The following DDX39B variants were observed in gnomAD, a reference collection of about 807,000 sequenced individuals.
DDX39B encodes DExD-box helicase 39B, also known as spliceosome RNA helicase DDX39B.
In DDX39B, 6 loss-of-function variants were observed where a neutral mutation model predicts 46.4. The ratio of observed to expected loss-of-function variants is 0.13; its 90% CI spans 0.07 to 0.26. DDX39B has a LOEUF of 0.26. Among genes scored for constraint, DDX39B ranks in the 10% least tolerant of loss-of-function variants. The pLI is 1.00. For synonymous variants in DDX39B, 174 were observed against 199.4 expected (o/e 0.87, Z 1.07); for missense variants, 185 against 553.4 (o/e 0.33, Z 6.68).
Position 31,531,835 on chromosome 6 carries a change from G to A in DDX39B, c.868-430C>T. On this transcript the variant is annotated intron_variant, in intron 7 of 10. Coordinates refer to ENST00000396172, the MANE Select transcript of DDX39B (RefSeq NM_004640.7). This position sits in a 1 kb window ranked among gnomAD's most constrained non-coding sequence, Gnocchi z 5.8. ...AAGTATATTAATTAAACACTTTTTT[G>A]AGATGGGGTCTCACTCTGTCCCCCA... The A allele has an allele frequency of 5.8e-6, 1 of 170,996 alleles. No homozygotes were observed. Among genetic ancestry groups the A allele is most frequent in the Non-Finnish European group, 1.3e-5 (1 of 78,826 alleles). 10.6% of individuals were successfully genotyped at this position (170,996 alleles called of 1,614,324 possible). A position where few individuals can be genotyped will look rare whatever the true frequency, so the allele number is the denominator to read the frequency against.
chr6:31,530,333 G>A lies in DDX39B; in HGVS notation c.*101C>T. On this transcript the variant is annotated 3_prime_UTR_variant, in exon 11 of 11. Transcript: ENST00000396172. This position sits in a 1 kb window ranked among gnomAD's most constrained non-coding sequence, Gnocchi z 4.5. ...TGATGCAAAAGATGGAAGCCATGGGGTGGGGGCTGTCAGGGGTGGGGGCAG... is the reference window on the plus strand; with the variant it reads ...TGATGCAAAAGATGGAAGCCATGGGATGGGGGCTGTCAGGGGTGGGGGCAG... The A allele has an allele frequency of 7.2e-7, 1 of 1,394,066 alleles. No homozygotes were observed. The highest frequency in any genetic ancestry group is 2.3e-5 in the East Asian group (1 of 43,036). The allele number at this position is 1,394,066 out of a possible 1,614,324, so 86.4% of individuals were successfully genotyped here.
At position 31,534,631 on chromosome 6, in the gene DDX39B, C is replaced by A. The variant is rs1582943480; in HGVS notation, c.735+736G>T. 2.7e-6 allele frequency: 1 copy of A among 371,062 alleles called. No homozygotes were observed. Among genetic ancestry groups the A allele is most frequent in the Non-Finnish European group, 5.4e-6 (1 of 186,480 alleles). The allele number at this position is 371,062 out of a possible 1,614,324, so 23.0% of individuals were successfully genotyped here. A position where few individuals can be genotyped will look rare whatever the true frequency, so the allele number is the denominator to read the frequency against. On this transcript the variant is annotated intron_variant, in intron 6 of 10. Coordinates refer to ENST00000396172, the MANE Select transcript of DDX39B (RefSeq NM_004640.7). The surrounding 1 kb of genome is among the most constrained non-coding windows in gnomAD (Gnocchi z 5.1). ...GCACGCGTTGGGTTCAGGAAAAAAA[C>A]CGGGAACGGAAAAAGAGGCTGGTTT...
intron 3 of DDX39B, 122 bp from the exon 4 acceptor site, chr6:31,538,977 A>C: frequency 6.7e-7 from 1 of 1,483,994 alleles, no homozygotes; most frequent in Non-Finnish European, 9.4e-7. Flanking sequence ...ATGTGATCTA[A>C]ATCATGAACC....
In DDX39B at chr6:31,535,338, G is replaced by A. The variant is rs1237666649; in HGVS notation, c.735+29C>T. ...GGGGAGGAGGCAGCGGGCGGGGAGT[G>A]GAGGGAGAGAAGGTAGAAGGGTATT... On this transcript the variant is annotated intron_variant, in intron 6 of 10. Transcript: ENST00000396172. The surrounding 1 kb of genome is among the most constrained non-coding windows in gnomAD (Gnocchi z 4.6). 4.4e-6 allele frequency: 7 copies of A among 1,600,870 alleles called. No homozygotes were observed. Among genetic ancestry groups the A allele is most frequent in the Non-Finnish European group, 5.1e-6 (6 of 1,168,680 alleles).
In DDX39B at chr6:31,530,930, G is replaced by A. The variant is rs776969844; in HGVS notation, c.1123-4C>T. The A allele has an allele frequency of 6.2e-7, 1 of 1,614,150 alleles. No homozygotes were observed. Among genetic ancestry groups the A allele is most frequent in the South Asian group, 1.1e-5 (1 of 91,084 alleles). ...CAAACCGGCCTGCTCTGGCCACCTGGAGGGAGACAGAGGGTAGCACTGGAA... is the reference window on the plus strand; with the variant it reads ...CAAACCGGCCTGCTCTGGCCACCTGAAGGGAGACAGAGGGTAGCACTGGAA... On this transcript the variant is annotated splice_region_variant and splice_polypyrimidine_tract_variant and intron_variant, in intron 9 of 10. Coordinates refer to ENST00000396172, the MANE Select transcript of DDX39B (RefSeq NM_004640.7). This position sits in a 1 kb window ranked among gnomAD's most constrained non-coding sequence, Gnocchi z 4.5.
Position 31,530,238 on chromosome 6 carries a change from ATG to A in DDX39B, c.*194_*195del, listed in dbSNP as rs1453508487. The A allele has an allele frequency of 6.4e-6, 5 of 781,046 alleles. No homozygotes were observed. The highest frequency in any genetic ancestry group is 1.8e-5 in the African/African-American group (1 of 56,564). The allele number at this position is 781,046 out of a possible 1,614,324, so 48.4% of individuals were successfully genotyped here. A position where few individuals can be genotyped will look rare whatever the true frequency, so the allele number is the denominator to read the frequency against. On this transcript the variant is annotated 3_prime_UTR_variant, in exon 11 of 11. Transcript: ENST00000396172. The surrounding 1 kb of genome is among the most constrained non-coding windows in gnomAD (Gnocchi z 4.5). ...AAGCACTTATAGATACCACAGACAC[ATG>A]TGTTTCATTTTTAGTTTTGTTAAAA...
Position 31,534,102 on chromosome 6 carries a change from G to C in DDX39B, c.736-1191C>G, listed in dbSNP as rs895361813. On this transcript the variant is annotated intron_variant, in intron 6 of 10. Transcript: ENST00000396172. The surrounding 1 kb of genome is among the most constrained non-coding windows in gnomAD (Gnocchi z 5.1). ...CAGCTTACTGCCACCTCCACGTCCC[G>C]GGCTCAAGCAAACCCTCCTGCCTCA... 2.5e-5 allele frequency: 4 copies of C among 162,726 alleles called. No homozygotes were observed. The highest frequency in any genetic ancestry group is 9.6e-5 in the African/African-American group (4 of 41,660). The allele number at this position is 162,726 out of a possible 1,614,324, so 10.1% of individuals were successfully genotyped here. A position where few individuals can be genotyped will look rare whatever the true frequency, so the allele number is the denominator to read the frequency against.
chr6:31,537,644 A>G (rs72847238), intron 4 of DDX39B, among the ~76,000 whole-genome samples: 4,311 of 152,312 alleles, frequency 0.028, 105 homozygotes, highest in East Asian at 0.078. Flanking sequence ...GCCTTGGTAC[A>G]GTATCAAATA....
At chr6:31,538,364 C>T (rs2150341271) in intron 4 of DDX39B, among the ~76,000 whole-genome samples, 1 of 152,194 alleles carries the variant, frequency 6.6e-6, no homozygotes, top group East Asian at 1.9e-4. Flanking sequence ...TCCTGTTGGC[C>T]ACATTGGTCT....
rs535419740 is a variant in DDX39B at position 31,540,787 on chromosome 6, C to T, written c.-132-123G>A. The T allele has an allele frequency of 6.6e-5, 37 of 563,396 alleles. No homozygotes were observed. In the South Asian group the frequency reaches 8.3e-4, roughly 13 times the overall value. The allele number at this position is 563,396 out of a possible 1,614,324, so 34.9% of individuals were successfully genotyped here. A position where few individuals can be genotyped will look rare whatever the true frequency, so the allele number is the denominator to read the frequency against. On this transcript the variant is annotated intron_variant, in intron 1 of 10. Transcript: ENST00000396172. ...TTTTACCTGGAAAGAAAAACAGATA[C>T]AAAACATAAAAACGAAAAGCAAATA...
At chr6:31,540,161 G>A (rs2269476) in intron 2 of DDX39B, among the ~76,000 whole-genome samples, 161 bp downstream of exon 2, 30,281 of 152,024 alleles carry the variant, frequency 0.2, 3,217 homozygotes, top group Admixed American at 0.27. Flanking sequence ...CTCCTGCCTC[G>A]GCCTCCCAAA....
rs1297460988 is a variant in DDX39B at position 31,538,770 on chromosome 6, T to C, written c.425A>G (p.Asn142Ser). 2 of 1,612,822 alleles carry C rather than the reference T, an allele frequency of 1.2e-6. No homozygotes were observed. Among genetic ancestry groups the C allele is most frequent in the Middle Eastern group, 1.7e-4 (1 of 6,044 alleles). Residue 142 changes from asparagine to serine, a missense_variant, in exon 4 of 11, where the codon AAT becomes AGT. By Grantham distance (46) the Asn-to-Ser change is conservative (BLOSUM62 1). Around this residue, in one of 5 missense-constraint regions of DDX39B, gnomAD observed 110 missense variants for 282.2 expected, o/e 0.39. Transcript: ENST00000396172. ...EYERFSKYMP[N>S]VKVAVFFGGL... ...CTCTTTACCTTGGCTTACCTTGACA[T>C]TGGGCATGTATTTAGAGAAGCGCTC...
intron 5 of DDX39B, among the ~76,000 whole-genome samples, chr6:31,536,207 C>G (rs1441876052): frequency 6.6e-6 from 1 of 152,106 alleles, no homozygotes; most frequent in Non-Finnish European, 1.5e-5. Flanking sequence ...CGCTATGACT[C>G]CCAGTATATG....
intron 5 of DDX39B, chr6:31,536,234 G>A (rs1767768082): frequency 5.4e-6 from 3 of 551,290 alleles, no homozygotes; most frequent in East Asian, 3.2e-5. Flanking sequence ...TAATGAAAAC[G>A]GTGGTGGTGG....
In DDX39B at chr6:31,534,967, G is replaced by A; in HGVS notation, c.735+400C>T. On this transcript the variant is annotated intron_variant, in intron 6 of 10. Transcript: ENST00000396172. The surrounding 1 kb of genome is among the most constrained non-coding windows in gnomAD (Gnocchi z 5.1). ...CTGCCACCGGGAAGTAGGAGTTTTG[G>A]TGAGCAGAAGGCTCCAGCTGTACGC... The A allele has an allele frequency of 3.7e-6, 1 of 268,308 alleles. No individual in the cohort carries two copies. Among genetic ancestry groups the A allele is most frequent in the East Asian group, 8.8e-5 (1 of 11,378 alleles). 16.6% of individuals were successfully genotyped at this position (268,308 alleles called of 1,614,324 possible).
At chr6:31,532,405 ATTT>A (rs1288903605) in intron 7 of DDX39B, 2 of 191,450 alleles carry the variant, frequency 1.0e-5, no homozygotes, top group Non-Finnish European at 2.2e-5. Flanking sequence ...CACCTGGCTA[ATTT>A]TTTTCTTCTT....
At position 31,534,818 on chromosome 6, in the gene DDX39B, AG is replaced by A. The variant is rs1767599798; in HGVS notation, c.735+548del. 3.4e-6 allele frequency: 1 copy of A among 291,466 alleles called. No individual in the cohort carries two copies. The highest frequency in any genetic ancestry group is 6.8e-6 in the Non-Finnish European group (1 of 146,760). 18.1% of individuals were successfully genotyped at this position (291,466 alleles called of 1,614,324 possible). A position where few individuals can be genotyped will look rare whatever the true frequency, so the allele number is the denominator to read the frequency against. On this transcript the variant is annotated intron_variant, in intron 6 of 10. Coordinates refer to ENST00000396172, the MANE Select transcript of DDX39B (RefSeq NM_004640.7). This position sits in a 1 kb window ranked among gnomAD's most constrained non-coding sequence, Gnocchi z 5.1. ...CAAGGAGATGTGGGTGGGAAGGAGT[AG>A]GGTATCGGGGATTGAGGTGCCAAAG...
At chr6:31,532,030 CTA>C (rs1402841930) in intron 7 of DDX39B, among the ~76,000 whole-genome samples, 2 of 152,242 alleles carry the variant, frequency 1.3e-5, no homozygotes, top group Admixed American at 6.5e-5. Flanking sequence ...GGGCGTCTCC[CTA>C]TGTTACCCAG....
At chr6:31,541,466 T>C (rs1768440179) in intron 1 of DDX39B, 1 of 375,922 alleles carries the variant, frequency 2.7e-6, no homozygotes, top group Non-Finnish European at 5.4e-6. Flanking sequence ...ATGACACCAA[T>C]CGTATCGTAA....
Sources: gnomAD v4.1 joint callset for allele counts (sites outside exome capture counted in the v4.1 genomes callset) on GRCh38, gnomAD v4.1.1 for gene constraint, gnomAD v4.1.1 regional missense constraint, Gnocchi (gnomAD v3.1) non-coding constraint, MANE v1.5 for transcripts, NCBI Gene and HGNC (gene_info 2026-07-23, HGNC 2026-07-21) for gene names.